ASB3: variants seen among roughly 807,000 people sequenced by gnomAD.
ASB3 encodes ankyrin repeat and SOCS box containing 3, also known as ankyrin repeat and SOCS box protein 3.
Under a neutral mutation model 54.5 loss-of-function variants are expected in ASB3, and 41 were observed. That is an observed-to-expected ratio of 0.75 (90% CI 0.59 to 0.98). ASB3 has a LOEUF of 0.98. ASB3 is among the 50% of genes least tolerant of loss of function. The pLI, the probability that ASB3 is intolerant of heterozygous loss-of-function variation, is 0.00. For synonymous variants in ASB3, 266 were observed against 221.2 expected, an observed-to-expected ratio of 1.20 and a Z score of -1.80; for missense variants, 733 against 620.0, an observed-to-expected ratio of 1.18 and a Z score of -1.94.
chr2:53,712,506 C>G (rs1315795001), intron 7 of ASB3, among the ~76,000 whole-genome samples: 1 of 152,162 alleles, frequency 6.6e-6, no homozygotes, highest in Non-Finnish European at 1.5e-5. Context: ...TAAGATCTTT[C>G]CCACCTAATT....
At chr2:53,690,254 T>A (rs1300184742) in intron 9 of ASB3, among the ~76,000 whole-genome samples, 1 of 149,686 alleles carries the variant, frequency 6.7e-6, no homozygotes, top group Non-Finnish European at 1.5e-5. Context: ...AATAAATAAA[T>A]TAATTAATTA....
intron 2 of ASB3, among the ~76,000 whole-genome samples, chr2:53,760,355 G>C (rs1293855635): frequency 1.3e-5 from 2 of 152,138 alleles, no homozygotes; most frequent in African/African-American, 2.4e-5. Context: ...AACCTAAAGA[G>C]GTGGCAGTTT....
intron 9 of ASB3, among the ~76,000 whole-genome samples, chr2:53,693,262 A>T (rs1669010107): frequency 6.6e-6 from 1 of 152,160 alleles, no homozygotes; most frequent in East Asian, 1.9e-4. Flanking sequence ...CCCTGTGCAA[A>T]ATCTTCCCCC....
chr2:53,690,199 G>A (rs1032136026), intron 9 of ASB3, among the ~76,000 whole-genome samples: 1 of 152,128 alleles, frequency 6.6e-6, no homozygotes, highest in Admixed American at 6.5e-5. Flanking sequence ...TCATGCCACT[G>A]CACTCCAGCC....
chr2:53,774,224 G>A (rs766200132), intron 1 of ASB3: 9 of 1,613,934 alleles, frequency 5.6e-6, no homozygotes, highest in Non-Finnish European at 7.6e-6. Context: ...AGAGAAAAAG[G>A]AGGCTACAGA....
At chr2:53,785,501 C>T (rs1674909081) in intron 1 of ASB3, among the ~76,000 whole-genome samples, 1 of 152,148 alleles carries the variant, frequency 6.6e-6, no homozygotes, top group Non-Finnish European at 1.5e-5. Flanking sequence ...AATCTCCCTG[C>T]CTAGACTGTG....
chr2:53,730,606 C>T (rs1170463127), intron 3 of ASB3, among the ~76,000 whole-genome samples: 4 of 152,112 alleles, frequency 2.6e-5, no homozygotes, highest in Non-Finnish European at 5.9e-5. Flanking sequence ...GTTTAGCTCT[C>T]TGAGGAATCA....
chr2:53,684,825 A>G (rs1668551351), intron 9 of ASB3, among the ~76,000 whole-genome samples: 1 of 152,230 alleles, frequency 6.6e-6, no homozygotes, highest in African/African-American at 2.4e-5. Context: ...AATGTAGCCA[A>G]TATGTAAAAG....
chr2:53,693,761 G>A, intron 9 of ASB3, 123 bp downstream of exon 9: 1 of 1,390,380 alleles, frequency 7.2e-7, no homozygotes, highest in Non-Finnish European at 9.5e-7. Flanking sequence ...CCTCACATAA[G>A]AAAATGCAAA....
At position 53,781,987 on chromosome 2, in the gene ASB3, A is replaced by T. The variant is rs191355150; in HGVS notation, c.-14+4834T>A. On this transcript the variant is annotated intron_variant, in intron 1 of 9. Transcript: ENST00000263634. ...TGCCATGGCTCACATCTGTAATCCC[A>T]ACACTCTGGGAAACCAAGAATTCAA... 2.6e-5 allele frequency among the ~76,000 whole-genome samples: 4 copies of T among 152,280 alleles called. No homozygotes were observed. The East Asian group carries it at 7.7e-4, about 29-fold the overall frequency.
chr2:53,707,282 G>C (rs1320190518), intron 7 of ASB3, among the ~76,000 whole-genome samples: 1 of 152,202 alleles, frequency 6.6e-6, no homozygotes, highest in Non-Finnish European at 1.5e-5. Context: ...CACAGCTCTA[G>C]ACTCTTGCTA....
At chr2:53,675,706 T>C (rs1037853436) in intron 9 of ASB3, among the ~76,000 whole-genome samples, 1 of 152,230 alleles carries the variant, frequency 6.6e-6, no homozygotes, top group African/African-American at 2.4e-5. Context: ...TTTTGCATTT[T>C]TACTAAATGG....
chr2:53,671,351 A>AGT (rs1667802533), intron 9 of ASB3, among the ~76,000 whole-genome samples: 1 of 115,160 alleles, frequency 8.7e-6, no homozygotes, highest in African/African-American at 3.3e-5. Context: ...CTGAACCCAA[A>AGT]GCGTGTGTGT....
chr2:53,721,398 C>CAAAA (rs1195017138), intron 5 of ASB3, among the ~76,000 whole-genome samples: 14 of 87,336 alleles, frequency 1.6e-4, no homozygotes, highest in South Asian at 3.8e-4. Context: ...TACTAAACTA[C>CAAAA]AAAAAAAAAA....
At chr2:53,683,426 GGTTTT>G (rs1249115654) in intron 9 of ASB3, among the ~76,000 whole-genome samples, 2 of 147,382 alleles carry the variant, frequency 1.4e-5, no homozygotes, top group Non-Finnish European at 3.0e-5. Flanking sequence ...TTTTTTTTTT[GGTTTT>G]GTTTTGTTTT....
chr2:53,764,136 G>A (rs1673303643), intron 2 of ASB3, among the ~76,000 whole-genome samples: 1 of 152,110 alleles, frequency 6.6e-6, no homozygotes, highest in African/African-American at 2.4e-5. Flanking sequence ...GTTCTGATGG[G>A]CTATGGACCC....
chr2:53,743,548 C>CA (rs527724055), intron 3 of ASB3, among the ~76,000 whole-genome samples: 22 of 152,048 alleles, frequency 1.4e-4, no homozygotes, highest in African/African-American at 4.3e-4. Context: ...ATATAACTGA[C>CA]AAAAGTTGGA....
intron 3 of ASB3, among the ~76,000 whole-genome samples, chr2:53,744,847 G>A (rs1034398977): frequency 1.3e-5 from 2 of 152,222 alleles, no homozygotes; most frequent in African/African-American, 2.4e-5. Flanking sequence ...GTGAGCTGAA[G>A]TATGACACAT....
At chr2:53,786,224 G>T (rs1472357283) in intron 1 of ASB3, 1 of 152,186 alleles carries the variant, frequency 6.6e-6, no homozygotes, top group East Asian at 1.9e-4. Context: ...GCAGTCAGAC[G>T]TGACTTAGTT....
Sources: allele counts gnomAD v4.1 joint callset (sites outside exome capture counted in the v4.1 genomes callset), GRCh38; gene constraint gnomAD v4.1.1; transcripts MANE v1.5; gene names NCBI Gene and HGNC (gene_info 2026-07-23, HGNC 2026-07-21).